ANKS1B: variants seen among roughly 807,000 people sequenced by gnomAD.
The protein encoded by ANKS1B is ankyrin repeat and sterile alpha motif domain containing 1B, also known as ankyrin repeat and sterile alpha motif domain-containing protein 1B.
ANKS1B carries 36 observed loss-of-function variants against 148.3 expected under a neutral mutation model. That is an observed-to-expected ratio of 0.24 (90% confidence interval 0.19 to 0.32). ANKS1B has a LOEUF of 0.32. Ranked by LOEUF, ANKS1B falls within the 10% of genes least tolerant of loss-of-function variation. The probability of loss-of-function intolerance (pLI) is 1.00; values close to 1 mark genes in which losing one functional copy is unlikely to be tolerated. For missense variants in ANKS1B, 1,157 were observed against 1,542.6 expected, an observed-to-expected ratio of 0.75 and a Z score of 4.19; for synonymous variants, 542 against 560.8, an observed-to-expected ratio of 0.97 and a Z score of 0.47.
intron 8 of ANKS1B, among the ~76,000 whole-genome samples, chr12:99,740,865 G>C (rs2060033194): frequency 6.6e-6 from 1 of 152,032 alleles, no homozygotes; most frequent in African/African-American, 2.4e-5. Context: ...GTGCACTCCG[G>C]CCCAGATACT....
chr12:99,139,576 G>GC, intron 15 of ANKS1B, among the ~76,000 whole-genome samples: 1 of 147,390 alleles, frequency 6.8e-6, no homozygotes, highest in African/African-American at 2.5e-5. Flanking sequence ...ACTGTGCGCA[G>GC]CCAGTCATAG....
At chr12:99,297,107 A>G (rs1459469427) in intron 12 of ANKS1B, among the ~76,000 whole-genome samples, 1 of 152,228 alleles carries the variant, frequency 6.6e-6, no homozygotes, top group Admixed American at 6.6e-5. Context: ...AATATCTAGA[A>G]CAAATAAAAT....
intron 1 of ANKS1B, among the ~76,000 whole-genome samples, chr12:99,903,802 C>T (rs758771037): frequency 6.6e-6 from 1 of 151,708 alleles, no homozygotes; most frequent in Non-Finnish European, 1.5e-5. Context: ...ACTGCTCGGG[C>T]GATGGGTGCA....
chr12:99,977,745 G>A (rs79059028), intron 1 of ANKS1B, among the ~76,000 whole-genome samples: 2,555 of 152,240 alleles, frequency 0.017, 77 homozygotes, highest in African/African-American at 0.056. Flanking sequence ...CTGCCCGTAC[G>A]GCTTACATAA....
chr12:99,135,118 G>T (rs2067574177), intron 15 of ANKS1B, among the ~76,000 whole-genome samples: 1 of 151,736 alleles, frequency 6.6e-6, no homozygotes, highest in African/African-American at 2.4e-5. Flanking sequence ...AAAAGAAAAG[G>T]GTGCCAAAAA....
intron 1 of ANKS1B, among the ~76,000 whole-genome samples, chr12:99,863,355 C>G (rs929320758): frequency 2.6e-5 from 4 of 152,142 alleles, no homozygotes; most frequent in African/African-American, 4.8e-5. Flanking sequence ...CAACACCATT[C>G]TCTCAATCCT....
intron 8 of ANKS1B, among the ~76,000 whole-genome samples, chr12:99,754,081 G>C (rs6538938): frequency 0.44 from 65,920 of 151,330 alleles, 14,671 homozygotes; most frequent in South Asian, 0.61. Context: ...AAAGAACCAA[G>C]ATCCATTGGT....
intron 15 of ANKS1B, chr12:99,097,555 T>G (rs964723914): frequency 3.3e-5 from 5 of 152,200 alleles, no homozygotes; most frequent in African/African-American, 1.2e-4. Context: ...ATTATAATGA[T>G]CATAAGGTTG....
intron 1 of ANKS1B, among the ~76,000 whole-genome samples, chr12:99,828,538 T>A (rs1297359984): frequency 6.6e-6 from 1 of 151,566 alleles, no homozygotes; most frequent in Non-Finnish European, 1.5e-5. Context: ...AAACAAAAAA[T>A]TAGGAACAAA....
intron 14 of ANKS1B, among the ~76,000 whole-genome samples, chr12:99,239,571 A>C (rs1197744622): frequency 6.6e-6 from 1 of 152,216 alleles, no homozygotes. Context: ...AGAGAACACC[A>C]CAAAGATACT....
At chr12:99,230,140 T>A (rs2712654) in intron 14 of ANKS1B, among the ~76,000 whole-genome samples, 103,397 of 151,924 alleles carry the variant, frequency 0.68, 35,579 homozygotes, top group Middle Eastern at 0.79. Flanking sequence ...TATAGCTGTT[T>A]TCCATATGAA....
chr12:99,772,848 C>T lies in ANKS1B; in HGVS notation c.1128+74G>A, dbSNP rs538939884. The T allele has an allele frequency of 1.1e-5, 16 of 1,415,558 alleles. No homozygotes were observed. In the South Asian group the frequency reaches 1.9e-4, roughly 17 times the overall value. The allele number at this position is 1,415,558 out of a possible 1,614,324, so 87.7% of individuals were successfully genotyped here. A position where few individuals can be genotyped will look rare whatever the true frequency, so the allele number is the denominator to read the frequency against. On this transcript the variant is annotated intron_variant, in intron 8 of 26. Coordinates refer to ENST00000683438, the MANE Select transcript of ANKS1B (RefSeq NM_001352186.2). The stretch of plus-strand genomic sequence containing the variant: ...GCGGAATCTGATAATGCACCACATC[C>T]CATACCTCTTAAGTGTACACACTGA...
intron 8 of ANKS1B, among the ~76,000 whole-genome samples, chr12:99,746,578 A>C (rs1162428900): frequency 6.6e-6 from 1 of 152,162 alleles, no homozygotes; most frequent in Non-Finnish European, 1.5e-5. Context: ...AAGTACAAAT[A>C]TTAACAAAAG....
intron 9 of ANKS1B, among the ~76,000 whole-genome samples, chr12:99,623,584 T>C (rs1219476821): frequency 6.6e-6 from 1 of 151,982 alleles, no homozygotes; most frequent in Non-Finnish European, 1.5e-5. Flanking sequence ...TAAAACTTAC[T>C]AGCATTTCTA....
intron 8 of ANKS1B, among the ~76,000 whole-genome samples, chr12:99,717,016 C>G (rs2057422340): frequency 6.6e-6 from 1 of 152,158 alleles, no homozygotes; most frequent in Admixed American, 6.5e-5. Context: ...GAGCTAAAGG[C>G]ATAGTCAAAG....
At chr12:99,261,340 C>G (rs1192654986) in intron 12 of ANKS1B, among the ~76,000 whole-genome samples, 1 of 152,010 alleles carries the variant, frequency 6.6e-6, no homozygotes, top group African/African-American at 2.4e-5. Flanking sequence ...ATCCTACCTC[C>G]TAGGCTGTTC....
At chr12:99,223,677 G>T (rs1454895109) in intron 14 of ANKS1B, among the ~76,000 whole-genome samples, 2 of 152,202 alleles carry the variant, frequency 1.3e-5, no homozygotes, top group African/African-American at 4.8e-5. Flanking sequence ...GCCATGGGCT[G>T]GTTGGTACTG....
At chr12:98,924,723 G>C (rs2099805880) in intron 17 of ANKS1B, among the ~76,000 whole-genome samples, 1 of 152,154 alleles carries the variant, frequency 6.6e-6, no homozygotes, top group East Asian at 1.9e-4. Flanking sequence ...CTGTCAGAAA[G>C]CCTTAAGTAC....
chr12:99,289,811 A>T (rs2079666877), intron 12 of ANKS1B, among the ~76,000 whole-genome samples: 1 of 151,948 alleles, frequency 6.6e-6, no homozygotes, highest in African/African-American at 2.4e-5. Context: ...TCCTACATCA[A>T]AAAAGTAGAA....
Sources: allele counts gnomAD v4.1 joint callset (sites outside exome capture counted in the v4.1 genomes callset), GRCh38; gene constraint gnomAD v4.1.1; transcripts MANE v1.5; gene names NCBI Gene and HGNC (gene_info 2026-07-23, HGNC 2026-07-21).